The following BPIFC variants were observed in gnomAD, a reference collection of about 807,000 sequenced individuals.
BPIFC encodes the protein BPI fold containing family C, also known as BPI fold-containing family C protein.
BPIFC carries 60 observed loss-of-function variants against 57.6 expected under a neutral mutation model. That is an observed-to-expected ratio of 1.04 (90% CI 0.85 to 1.29). The LOEUF (loss-of-function observed/expected upper bound fraction) is 1.29, where lower values mean the gene tolerates loss of function less well. Among genes scored for constraint, BPIFC ranks in the 50% most tolerant of loss-of-function variants. The pLI, the probability that BPIFC is intolerant of heterozygous loss-of-function variation, is 0.00. For missense variants in BPIFC, 581 were observed against 600.5 expected, an observed-to-expected ratio of 0.97 and a Z score of 0.34; for synonymous variants, 243 against 224.5, an observed-to-expected ratio of 1.08 and a Z score of -0.74.
At chr22:32,457,909 T>C (rs1341928583) in intron 2 of BPIFC, among the ~76,000 whole-genome samples, 1 of 152,218 alleles carries the variant, frequency 6.6e-6, no homozygotes, top group Non-Finnish European at 1.5e-5. Flanking sequence ...GCAGGACTTC[T>C]CCTCTTACCC....
intron 2 of BPIFC, among the ~76,000 whole-genome samples, chr22:32,458,117 C>T (rs569640483): frequency 7.2e-5 from 11 of 152,268 alleles, no homozygotes; most frequent in African/African-American, 2.6e-4. Flanking sequence ...GTGTAAACGC[C>T]GAAGTCATTT....
At chr22:32,428,272 C>CGTGTGTGTGTGTGTGTGTGTGT (rs1569449098) in intron 13 of BPIFC, among the ~76,000 whole-genome samples, 94 of 139,266 alleles carry the variant, frequency 6.7e-4, no homozygotes, top group African/African-American at 2.7e-3. Flanking sequence ...TGTGTGTGCG[C>CGTGTGTGTGTGTGTGTGTGTGT]GCGCGTGTGT....
Position 32,447,320 on chromosome 22 carries a change from G to T in BPIFC, c.266C>A (p.Ser89Ter), listed in dbSNP as rs1287250601. The T allele has an allele frequency of 6.2e-7, 1 of 1,613,580 alleles. No individual in the cohort carries two copies. The highest frequency in any genetic ancestry group is 1.3e-5 in the African/African-American group (1 of 74,880). Residue 89 changes from serine (S) to a stop codon, truncating the protein, a stop_gained, in exon 5 of 17, where the codon TCA becomes TAA. Coordinates refer to ENST00000300399, the MANE Select transcript of BPIFC (RefSeq NM_174932.3). LOFTEE classifies it high-confidence loss of function. Reference sequence around the variant, plus strand: ...AAAAGCCAATGAGGTATTTGGAAATGAAAAGGCACTGATTTTTATACTGTA... The same window carrying T: ...AAAAGCCAATGAGGTATTTGGAAATTAAAAGGCACTGATTTTTATACTGTA... Reference protein sequence around the residue: ...NFSNIKISAFSFPNTSLAFVP... With the variant: ...NFSNIKISAF
intron 4 of BPIFC, 126 bp downstream of exon 4, chr22:32,453,256 TA>T: frequency 1.5e-6 from 1 of 682,516 alleles, no homozygotes; most frequent in Non-Finnish European, 2.3e-6. Flanking sequence ...AAACCAGAGC[TA>T]AGGACAGCAG....
chr22:32,463,406 T>C (rs1935202857), intron 1 of BPIFC, among the ~76,000 whole-genome samples: 1 of 152,200 alleles, frequency 6.6e-6, no homozygotes, highest in African/African-American at 2.4e-5. Flanking sequence ...ATCTCAGTAG[T>C]CATTATTTTT....
intron 16 of BPIFC, among the ~76,000 whole-genome samples, chr22:32,414,926 T>G (rs1051958279): frequency 6.6e-6 from 1 of 152,138 alleles, no homozygotes; most frequent in Non-Finnish European, 1.5e-5. Context: ...ACTTAGCCAT[T>G]GTAGAAGCAG....
intron 4 of BPIFC, among the ~76,000 whole-genome samples, chr22:32,452,943 T>C (rs1042136660): frequency 2.0e-5 from 3 of 152,328 alleles, no homozygotes; most frequent in Admixed American, 6.5e-5. Flanking sequence ...AACTTCCAAT[T>C]CACTTTCTTC....
intron 1 of BPIFC, among the ~76,000 whole-genome samples, chr22:32,462,191 G>GAAAA (rs1935179848): frequency 2.1e-5 from 2 of 95,000 alleles, no homozygotes; most frequent in African/African-American, 8.0e-5. Context: ...AAAAAAAAAA[G>GAAAA]AAAAAAGAAA....
Position 32,453,481 on chromosome 22 carries a change from C to T in BPIFC, c.147G>A (p.Met49Ile), listed in dbSNP as rs1202147649. The T allele has an allele frequency of 6.2e-7, 1 of 1,602,154 alleles. No homozygotes were observed. Among genetic ancestry groups the T allele is most frequent in the Admixed American group, 1.7e-5 (1 of 57,594 alleles). The change falls in exon 4 of 17, where the codon ATG (methionine) becomes ATA (isoleucine). Residue 49 changes from methionine to isoleucine, a missense_variant. By Grantham distance (10) the Met-to-Ile change is conservative. Coordinates refer to ENST00000300399, the MANE Select transcript of BPIFC (RefSeq NM_174932.3). ...LDYGVQAGMK[M>I]IEQMLKEKKL... is the part of the protein sequence containing the mutation. ...TCTTTTCTTTTAGCATTTGCTCAAT[C>T]ATCTTCATTCCAGCTTGAACACCTG...
chr22:32,458,484 C>T (rs1176894478), intron 2 of BPIFC, among the ~76,000 whole-genome samples: 1 of 152,200 alleles, frequency 6.6e-6, no homozygotes, highest in Non-Finnish European at 1.5e-5. Context: ...CACTTATCAT[C>T]ATCTAGTGTA....
At chr22:32,419,237 A>G in intron 14 of BPIFC, 125 bp downstream of exon 14, 1 of 1,000,332 alleles carries the variant, frequency 1.0e-6, no homozygotes, top group Non-Finnish European at 1.5e-6. Flanking sequence ...TTTCAAAGTT[A>G]AGTCCTACAA....
At chr22:32,437,380 TTTTTGTTTTCA>T (rs1245775865) in intron 9 of BPIFC, among the ~76,000 whole-genome samples, 3 of 152,158 alleles carry the variant, frequency 2.0e-5, no homozygotes, top group African/African-American at 7.2e-5. Flanking sequence ...TTTGTTTTTG[TTTTTGTTTTCA>T]TTTTGTTTTG....
intron 13 of BPIFC, among the ~76,000 whole-genome samples, chr22:32,428,230 T>C (rs554295173): frequency 1.3e-5 from 2 of 151,666 alleles, no homozygotes; most frequent in South Asian, 4.2e-4. Flanking sequence ...TAAAAATTAT[T>C]ATTTTAAAAT....
At chr22:32,437,563 G>A (rs1481243615) in intron 9 of BPIFC, among the ~76,000 whole-genome samples, 197 bp downstream of exon 9, 1 of 152,078 alleles carries the variant, frequency 6.6e-6, no homozygotes, top group Non-Finnish European at 1.5e-5. Flanking sequence ...CTAATTTTTT[G>A]TGTTTTTAGT....
chr22:32,449,261 G>A (rs1470692653), intron 4 of BPIFC, among the ~76,000 whole-genome samples: 7 of 152,178 alleles, frequency 4.6e-5, no homozygotes, highest in South Asian at 2.1e-4. Context: ...TGGGCAAGGC[G>A]CTTAACCAGA....
At position 32,442,713 on chromosome 22, in the gene BPIFC, T is replaced by C; in HGVS notation, c.613A>G (p.Ser205Gly). 2 of 1,613,966 alleles carry C rather than the reference T, an allele frequency of 1.2e-6. No homozygotes were observed. The highest frequency in any genetic ancestry group is 1.1e-5 in the South Asian group (1 of 91,024). Residue 205 changes from serine (S) to glycine (G), a missense_variant, in exon 8 of 17, where the codon AGT (serine) becomes GGT (glycine). Ser to Gly is a moderately conservative substitution (Grantham distance 56). Coordinates refer to ENST00000300399, the MANE Select transcript of BPIFC (RefSeq NM_174932.3). ...TTGGCATTTAGCGCTTTGACTTCAC[T>C]TGCAATAATGGGACAGAGCTGGCCA... ...LNEMLCPIIA[S>G]EVKALNANLS...
chr22:32,451,531 C>T lies in BPIFC; in HGVS notation c.245+1852G>A, dbSNP rs371643546. ...ACACAGGAAGGGGAATATCACACAC[C>T]GGGGCCTGTTGTGGGGCAGGTTGGG... On this transcript the variant is annotated intron_variant, in intron 4 of 16. Coordinates refer to ENST00000300399, the MANE Select transcript of BPIFC (RefSeq NM_174932.3). 1.1e-3 allele frequency among the ~76,000 whole-genome samples: 169 copies of T among 151,808 alleles called. 5 individuals are homozygous for T. In the South Asian group the frequency reaches 0.031, roughly 28 times the overall value.
In BPIFC at chr22:32,419,366, A is replaced by G. The variant is rs1287850691; in HGVS notation, c.1256T>C (p.Ile419Thr). The change falls in exon 14 of 17, where the codon ATT (isoleucine) becomes ACT (threonine). Residue 419 changes from isoleucine (I) to threonine (T), a missense_variant. Ile to Thr is a moderately conservative substitution (Grantham distance 89). Transcript: ENST00000300399. ...LALPESNRSN[I>T]EVLRFENILS... Reference sequence around the variant, plus strand: ...CCCAAGAGCTCAGATTCCTACCTCAATGTTGCTGCGATTGGACTCTGGCAA... The same window carrying G: ...CCCAAGAGCTCAGATTCCTACCTCAGTGTTGCTGCGATTGGACTCTGGCAA... The G allele has an allele frequency of 5.0e-6, 8 of 1,613,560 alleles. No homozygotes were observed. The highest frequency in any genetic ancestry group is 4.4e-5 in the South Asian group (4 of 91,052).
intron 5 of BPIFC, among the ~76,000 whole-genome samples, chr22:32,446,287 T>C (rs1029974494): frequency 2.0e-5 from 3 of 152,180 alleles, no homozygotes; most frequent in African/African-American, 4.8e-5. Context: ...GCACCCTTCA[T>C]ATACAATGTT....
Sources: allele counts gnomAD v4.1 joint callset (sites outside exome capture counted in the v4.1 genomes callset), GRCh38; gene constraint gnomAD v4.1.1; transcripts MANE v1.5; gene names NCBI Gene and HGNC (gene_info 2026-07-23, HGNC 2026-07-21).